SPATA31H1: variants seen among roughly 807,000 people sequenced by gnomAD.
SPATA31H1 encodes the protein spermatogenesis-associated protein 31H1.
the SPATA31H1 span, chr2:27,582,402 A>C: frequency 1.9e-6 from 3 of 1,614,126 alleles, no homozygotes; most frequent in Admixed American, 3.3e-5. Context: ...ACTCAAGTAC[A>C]GTTTCCCTGG....
At chr2:27,538,195 T>C in the SPATA31H1 span, among the ~76,000 whole-genome samples, 1 of 152,102 alleles carries the variant, frequency 6.6e-6, no homozygotes, top group Non-Finnish European at 1.5e-5. Flanking sequence ...AATACAACTC[T>C]GTGCAGTTTG....
the SPATA31H1 span, among the ~76,000 whole-genome samples, chr2:27,558,938 AGGG>A: frequency 1.5e-5 from 2 of 134,356 alleles, no homozygotes; most frequent in African/African-American, 5.6e-5. Flanking sequence ...GGAGAGGGAG[AGGG>A]AGAGGGAGAG....
the SPATA31H1 span, chr2:27,577,682 G>A: frequency 3.7e-6 from 6 of 1,614,076 alleles, no homozygotes; most frequent in South Asian, 5.5e-5. The surrounding 1 kb of genome is among the most constrained non-coding windows in gnomAD (Gnocchi z 4.5). Context: ...AGTCAGGAGT[G>A]CAGGTAGAGA....
the SPATA31H1 span, among the ~76,000 whole-genome samples, chr2:27,557,020 G>A: frequency 2.0e-3 from 43 of 21,180 alleles, no homozygotes; most frequent in Middle Eastern, 0.016. Flanking sequence ...AGAGAGCACA[G>A]GGTTGGGGAT....
the SPATA31H1 span, among the ~76,000 whole-genome samples, chr2:27,563,421 T>G: frequency 1.0e-5 from 1 of 99,118 alleles, no homozygotes; most frequent in South Asian, 3.4e-4. Flanking sequence ...TGAGACAGGG[T>G]CTTACTGTAT....
At chr2:27,574,351 TAGAATTCAAACCTA>T in the SPATA31H1 span, 1 of 398,468 alleles carries the variant, frequency 2.5e-6, no homozygotes, top group Non-Finnish European at 4.4e-6. Context: ...GTGAAATCGG[TAGAATTCAAACCTA>T]GTCCAAAGTT....
chr2:27,582,472 C>T, the SPATA31H1 span: 2 of 1,613,380 alleles, frequency 1.2e-6, no homozygotes, highest in South Asian at 1.1e-5. Flanking sequence ...CTCCTCGGGA[C>T]CACACATAAA....
the SPATA31H1 span, chr2:27,572,742 C>T: frequency 2.5e-6 from 1 of 397,382 alleles, no homozygotes; most frequent in Non-Finnish European, 4.4e-6. Context: ...TTCACAATCT[C>T]AAGGTGTCAA....
chr2:27,537,733 A>C, the SPATA31H1 span, among the ~76,000 whole-genome samples: 2 of 152,204 alleles, frequency 1.3e-5, no homozygotes, highest in South Asian at 2.1e-4. Flanking sequence ...TTTTTCCTTC[A>C]ATTCATTTCA....
At chr2:27,562,095 GCTCT>G in the SPATA31H1 span, among the ~76,000 whole-genome samples, 4 of 152,216 alleles carry the variant, frequency 2.6e-5, no homozygotes, top group Admixed American at 2.0e-4. Context: ...TTGTCTCCGA[GCTCT>G]CTATCTGTTC....
chr2:27,565,714 C>T, the SPATA31H1 span, among the ~76,000 whole-genome samples: 1 of 152,018 alleles, frequency 6.6e-6, no homozygotes, highest in Non-Finnish European at 1.5e-5. Flanking sequence ...CCTATCTTTT[C>T]CCCCCCACCA....
At chr2:27,538,443 G>A in the SPATA31H1 span, among the ~76,000 whole-genome samples, 2 of 152,158 alleles carry the variant, frequency 1.3e-5, no homozygotes, top group Non-Finnish European at 2.9e-5. Flanking sequence ...AATACCTCCA[G>A]TAAGCTTATA....
At chr2:27,551,629 G>A in the SPATA31H1 span, among the ~76,000 whole-genome samples, 1 of 151,948 alleles carries the variant, frequency 6.6e-6, no homozygotes, top group Non-Finnish European at 1.5e-5. Context: ...TAGAAACTCA[G>A]GCAAGGATTT....
the SPATA31H1 span, chr2:27,578,336 A>G: frequency 6.2e-7 from 1 of 1,614,182 alleles, no homozygotes; most frequent in Non-Finnish European, 8.5e-7. Context: ...TTCAAATTGT[A>G]AAAACTATGT....
chr2:27,552,840 T>A, the SPATA31H1 span, among the ~76,000 whole-genome samples: 4 of 152,098 alleles, frequency 2.6e-5, no homozygotes, highest in African/African-American at 7.3e-5. Context: ...TTATTTTGGA[T>A]GCTAAAAATG....
the SPATA31H1 span, chr2:27,580,130 A>C: frequency 6.2e-7 from 1 of 1,614,172 alleles, no homozygotes; most frequent in Non-Finnish European, 8.5e-7. Flanking sequence ...AAAGAGATAG[A>C]CCCGTCATAC....
At chr2:27,574,490 T>C in the SPATA31H1 span, 6 of 398,308 alleles carry the variant, frequency 1.5e-5, no homozygotes, top group African/African-American at 1.2e-4. Flanking sequence ...TGATCATGGG[T>C]ATAAAGCTTC....
chr2:27,578,258 T>A, the SPATA31H1 span: 1 of 1,614,204 alleles, frequency 6.2e-7, no homozygotes, highest in Non-Finnish European at 8.5e-7. Flanking sequence ...GTTTGCAAGA[T>A]GTGAAATCTA....
chr2:27,565,328 C>T, the SPATA31H1 span: 4 of 715,508 alleles, frequency 5.6e-6, no homozygotes, highest in Non-Finnish European at 1.0e-5. Context: ...TCTTTTTGTG[C>T]TTCTCTAGAC....
Sources: gnomAD v4.1 joint callset for allele counts (sites outside exome capture counted in the v4.1 genomes callset) on GRCh38, gnomAD v4.1.1 for gene constraint, Gnocchi (gnomAD v3.1) non-coding constraint, MANE v1.5 for transcripts, NCBI Gene and HGNC (gene_info 2026-07-23, HGNC 2026-07-21) for gene names.